The following MLLT3 variants were observed in gnomAD, a reference collection of about 807,000 sequenced individuals.
MLLT3 encodes the protein MLLT3 super elongation complex subunit.
In MLLT3, 4 loss-of-function variants were observed where a neutral mutation model predicts 53.2. That is an observed-to-expected ratio of 0.08 (90% CI 0.04 to 0.17). The LOEUF is 0.17. Ranked by LOEUF, MLLT3 falls within the 10% of genes least tolerant of loss-of-function variation. The pLI is 1.00. For missense variants in MLLT3, 569 were observed against 684.0 expected (o/e 0.83, Z 1.87); for synonymous variants, 283 against 230.6 (o/e 1.23, Z -2.06).
At chr9:20,397,124 T>C (rs75961617) in intron 5 of MLLT3, among the ~76,000 whole-genome samples, 84 of 152,286 alleles carry the variant, frequency 5.5e-4, no homozygotes, top group African/African-American at 2.0e-3. Context: ...AGCCAGAGAC[T>C]TGTATAGCTG....
intron 2 of MLLT3, among the ~76,000 whole-genome samples, chr9:20,509,074 T>C (rs758500923): frequency 1.3e-5 from 2 of 152,188 alleles, no homozygotes; most frequent in Non-Finnish European, 2.9e-5. Context: ...GTATCTATTG[T>C]CCTAGGCTTC....
chr9:20,613,647 C>G (rs1820754714), intron 2 of MLLT3, among the ~76,000 whole-genome samples: 1 of 151,302 alleles, frequency 6.6e-6, no homozygotes, highest in Non-Finnish European at 1.5e-5. Flanking sequence ...AGGCACATCA[C>G]AAAAGACAAA....
At position 20,583,609 on chromosome 9, in the gene MLLT3, C is replaced by T. The variant is rs185425164; in HGVS notation, c.193+37045G>A. Among the ~76,000 whole-genome samples, 11 of 152,326 alleles carry T rather than the reference C, an allele frequency of 7.2e-5. No individual in the cohort carries two copies. The East Asian group carries it at 1.7e-3, about 24-fold the overall frequency. On this transcript the variant is annotated intron_variant, in intron 2 of 10. Coordinates refer to ENST00000380338, the MANE Select transcript of MLLT3 (RefSeq NM_004529.4). Reference sequence around the variant, plus strand: ...GAGGTTCCCAAACCTCAATCCTTGACTTCTGTTGCACCCACAGGCTCAACA... The same window carrying T: ...GAGGTTCCCAAACCTCAATCCTTGATTTCTGTTGCACCCACAGGCTCAACA...
At chr9:20,509,285 G>C (rs1056909068) in intron 2 of MLLT3, among the ~76,000 whole-genome samples, 3 of 152,148 alleles carry the variant, frequency 2.0e-5, no homozygotes, top group African/African-American at 4.8e-5. Context: ...TTTTTTTTAA[G>C]TATGTTCACC....
intron 4 of MLLT3, among the ~76,000 whole-genome samples, chr9:20,422,354 G>A (rs1011777904): frequency 3.3e-5 from 5 of 152,070 alleles, no homozygotes; most frequent in Non-Finnish European, 7.4e-5. Flanking sequence ...ATATATCCTC[G>A]CAGATCCAAA....
At chr9:20,372,885 T>A (rs1010427830) in intron 5 of MLLT3, among the ~76,000 whole-genome samples, 1 of 152,182 alleles carries the variant, frequency 6.6e-6, no homozygotes, top group Non-Finnish European at 1.5e-5. Context: ...AGGTAATATA[T>A]ACTGTCACAC....
intron 2 of MLLT3, among the ~76,000 whole-genome samples, chr9:20,531,791 G>A (rs572778519): frequency 6.6e-6 from 1 of 152,194 alleles, no homozygotes. Context: ...ATCTCTGAGG[G>A]AAAGGATGAT....
intron 2 of MLLT3, among the ~76,000 whole-genome samples, chr9:20,512,559 C>T (rs941067416): frequency 1.3e-5 from 2 of 152,218 alleles, no homozygotes; most frequent in African/African-American, 4.8e-5. Context: ...ACATTATAAA[C>T]AGCATCTATG....
chr9:20,608,942 A>G (rs1441644599), intron 2 of MLLT3, among the ~76,000 whole-genome samples: 4 of 152,010 alleles, frequency 2.6e-5, no homozygotes, highest in African/African-American at 9.7e-5. Flanking sequence ...ATGTATTTTT[A>G]TCTATCACAT....
intron 10 of MLLT3, among the ~76,000 whole-genome samples, chr9:20,349,195 T>C (rs1474036192): frequency 6.6e-6 from 1 of 152,222 alleles, no homozygotes; most frequent in Non-Finnish European, 1.5e-5. Context: ...TCAATGGTAT[T>C]AGACAGAACA....
At chr9:20,451,875 G>T (rs1823847697) in intron 3 of MLLT3, among the ~76,000 whole-genome samples, 1 of 152,144 alleles carries the variant, frequency 6.6e-6, no homozygotes, top group Non-Finnish European at 1.5e-5. Flanking sequence ...TTGGTTTAGA[G>T]TTTCTGAAAC....
intron 4 of MLLT3, among the ~76,000 whole-genome samples, chr9:20,430,631 C>A (rs1248321609): frequency 6.6e-6 from 1 of 152,010 alleles, no homozygotes; most frequent in Non-Finnish European, 1.5e-5. Context: ...GAAAATATTT[C>A]AATGTTAGAC....
intron 2 of MLLT3, among the ~76,000 whole-genome samples, chr9:20,506,113 G>A (rs1825374111): frequency 6.7e-6 from 1 of 150,306 alleles, no homozygotes; most frequent in African/African-American, 2.5e-5. Flanking sequence ...CCAGTGCAGT[G>A]GCACGATTTC....
intron 2 of MLLT3, among the ~76,000 whole-genome samples, chr9:20,537,453 C>A (rs1016305992): frequency 6.6e-6 from 1 of 152,108 alleles, no homozygotes; most frequent in African/African-American, 2.4e-5. Flanking sequence ...AGATGATTAT[C>A]TCACCTTCAT....
At chr9:20,387,720 T>G (rs1291732193) in intron 5 of MLLT3, among the ~76,000 whole-genome samples, 2 of 152,212 alleles carry the variant, frequency 1.3e-5, no homozygotes, top group Non-Finnish European at 2.9e-5. Flanking sequence ...TATAATAAAT[T>G]ACTCTCTACC....
chr9:20,354,902 T>C (rs1432553901), intron 8 of MLLT3, 23 bp from the exon 9 acceptor site: 1 of 1,582,692 alleles, frequency 6.3e-7, no homozygotes, highest in African/African-American at 1.3e-5. Flanking sequence ...GAGAACGCTG[T>C]GTTAAATTTT....
At chr9:20,475,942 CAT>C (rs1406092936) in intron 2 of MLLT3, among the ~76,000 whole-genome samples, 4 of 152,110 alleles carry the variant, frequency 2.6e-5, no homozygotes, top group African/African-American at 4.8e-5. Flanking sequence ...TTCACTGATA[CAT>C]GTTTTTCTAA....
chr9:20,459,544 T>C (rs887390767), intron 2 of MLLT3, among the ~76,000 whole-genome samples: 2 of 152,202 alleles, frequency 1.3e-5, no homozygotes, highest in Admixed American at 6.5e-5. Context: ...GGATTAATCA[T>C]GCCAATGTCA....
intron 2 of MLLT3, among the ~76,000 whole-genome samples, chr9:20,486,251 A>G (rs1248368434): frequency 6.6e-6 from 1 of 152,184 alleles, no homozygotes; most frequent in African/African-American, 2.4e-5. Context: ...CATGGCAGCA[A>G]TAACTGCTTT....
Sources: allele counts gnomAD v4.1 joint callset (sites outside exome capture counted in the v4.1 genomes callset), GRCh38; gene constraint gnomAD v4.1.1; transcripts MANE v1.5; gene names NCBI Gene and HGNC (gene_info 2026-07-23, HGNC 2026-07-21).